Variants in SLC24A2 observed in about 807,000 individuals in gnomAD.
SLC24A2 encodes solute carrier family 24 member 2, also known as sodium/potassium/calcium exchanger 2.
Under a neutral mutation model 62.0 loss-of-function variants are expected in SLC24A2, and 36 were observed. That is an observed-to-expected ratio of 0.58 (90% CI 0.44 to 0.77). The LOEUF is 0.77. Among genes scored for constraint, SLC24A2 ranks in the 30% least tolerant of loss-of-function variants. The pLI is 0.00. For missense variants in SLC24A2, 846 were observed against 817.9 expected, an observed-to-expected ratio of 1.03 and a Z score of -0.42; for synonymous variants, 358 against 294.0, an observed-to-expected ratio of 1.22 and a Z score of -2.23.
At chr9:19,853,252 A>G in the SLC24A2 span, among the ~76,000 whole-genome samples, 2 of 152,198 alleles carry the variant, frequency 1.3e-5, no homozygotes, top group Non-Finnish European at 2.9e-5. Flanking sequence ...GTCATCTGTA[A>G]ACAGAGACTA....
At chr9:20,237,584 C>T in the SLC24A2 span, among the ~76,000 whole-genome samples, 1 of 152,178 alleles carries the variant, frequency 6.6e-6, no homozygotes, top group Non-Finnish European at 1.5e-5. Context: ...ACTGGCGTGC[C>T]ATCTGGAACT....
chr9:20,240,800 G>A, the SLC24A2 span, among the ~76,000 whole-genome samples: 1 of 152,140 alleles, frequency 6.6e-6, no homozygotes, highest in African/African-American at 2.4e-5. Flanking sequence ...AGGTTACCTA[G>A]AGTACAAATG....
the SLC24A2 span, among the ~76,000 whole-genome samples, chr9:20,055,167 G>A: frequency 3.3e-5 from 5 of 152,046 alleles, no homozygotes; most frequent in Admixed American, 6.6e-5. Context: ...CCCTTGCTGC[G>A]TCAAGACTTT....
the SLC24A2 span, among the ~76,000 whole-genome samples, chr9:20,177,449 C>T: frequency 1.1e-4 from 17 of 152,106 alleles, no homozygotes; most frequent in Non-Finnish European, 2.2e-4. Flanking sequence ...ACTCTACAGG[C>T]TGAGGTCAGA....
At chr9:20,038,629 AAAC>A in the SLC24A2 span, among the ~76,000 whole-genome samples, 6 of 139,840 alleles carry the variant, frequency 4.3e-5, no homozygotes, top group African/African-American at 1.4e-4. Flanking sequence ...TAAAAGAAAC[AAAC>A]AAAAAAAAAA....
chr9:19,834,829 G>A, the SLC24A2 span, among the ~76,000 whole-genome samples: 1 of 152,166 alleles, frequency 6.6e-6, no homozygotes, highest in South Asian at 2.1e-4. Context: ...CAGAGAGAAA[G>A]GTCGGGTTAC....
At chr9:19,882,174 A>G in the SLC24A2 span, among the ~76,000 whole-genome samples, 1 of 152,202 alleles carries the variant, frequency 6.6e-6, no homozygotes, top group African/African-American at 2.4e-5. Flanking sequence ...GCTGTTAAAT[A>G]GCTTTCTAGA....
chr9:20,164,235 T>C, the SLC24A2 span, among the ~76,000 whole-genome samples: 1 of 152,018 alleles, frequency 6.6e-6, no homozygotes, highest in African/African-American at 2.4e-5. Context: ...CCTACTCATC[T>C]GACAAAGGGC....
chr9:19,655,214 T>G (rs563730983), intron 2 of SLC24A2, among the ~76,000 whole-genome samples: 10 of 152,334 alleles, frequency 6.6e-5, no homozygotes, highest in African/African-American at 2.4e-4. Flanking sequence ...CCCATCCACC[T>G]GTTGTTTTGG....
the SLC24A2 span, among the ~76,000 whole-genome samples, chr9:19,948,440 T>C: frequency 6.6e-6 from 1 of 152,218 alleles, no homozygotes; most frequent in Non-Finnish European, 1.5e-5. Flanking sequence ...CTTATCAACA[T>C]TTCCAGTTAG....
At chr9:19,517,464 A>C (rs73645413) in intron 10 of SLC24A2, among the ~76,000 whole-genome samples, 1,558 of 152,280 alleles carry the variant, frequency 0.01, 20 homozygotes, top group African/African-American at 0.035. Context: ...AGGGGCAGTG[A>C]GTTTACTCAT....
intron 2 of SLC24A2, among the ~76,000 whole-genome samples, chr9:19,669,882 C>A (rs1323843431): frequency 6.6e-6 from 1 of 152,160 alleles, no homozygotes; most frequent in Non-Finnish European, 1.5e-5. Context: ...TCACAGGTTC[C>A]AATGATGAGG....
chr9:20,229,786 G>A, the SLC24A2 span, among the ~76,000 whole-genome samples: 1 of 151,632 alleles, frequency 6.6e-6, no homozygotes, highest in Non-Finnish European at 1.5e-5. Flanking sequence ...ACAACGTGCA[G>A]GTTTGTTACA....
chr9:20,207,168 A>G, the SLC24A2 span, among the ~76,000 whole-genome samples: 1 of 152,242 alleles, frequency 6.6e-6, no homozygotes, highest in African/African-American at 2.4e-5. Flanking sequence ...CTTTCATTCT[A>G]TAATGCAGAC....
chr9:19,782,368 A>G (rs754262584), intron 2 of SLC24A2, among the ~76,000 whole-genome samples: 6 of 152,218 alleles, frequency 3.9e-5, no homozygotes, highest in Non-Finnish European at 8.8e-5. Context: ...CCCAAAAGCA[A>G]AAGTCTCTGC....
chr9:20,173,005 C>T, the SLC24A2 span, among the ~76,000 whole-genome samples: 18 of 152,156 alleles, frequency 1.2e-4, no homozygotes, highest in African/African-American at 4.1e-4. Flanking sequence ...GGTTTCATAC[C>T]AGGGTTGCAG....
the SLC24A2 span, among the ~76,000 whole-genome samples, chr9:20,097,493 C>T: frequency 4.7e-4 from 71 of 152,120 alleles, no homozygotes; most frequent in African/African-American, 1.5e-3. Context: ...GACTAATAGA[C>T]ACTAATAGTC....
the SLC24A2 span, among the ~76,000 whole-genome samples, chr9:19,963,931 G>A: frequency 6.6e-6 from 1 of 152,186 alleles, no homozygotes; most frequent in South Asian, 2.1e-4. Context: ...TATGTTTATA[G>A]CGGCACTATT....
chr9:19,775,931 A>G (rs999222555), intron 2 of SLC24A2, among the ~76,000 whole-genome samples: 1 of 152,252 alleles, frequency 6.6e-6, no homozygotes, highest in Non-Finnish European at 1.5e-5. Context: ...CGTTCTTAAC[A>G]TAACTAAGGC....
Sources: allele counts gnomAD v4.1 joint callset (sites outside exome capture counted in the v4.1 genomes callset), GRCh38; gene constraint gnomAD v4.1.1; transcripts MANE v1.5; gene names NCBI Gene and HGNC (gene_info 2026-07-23, HGNC 2026-07-21).